KHDRBS2: variants seen among roughly 807,000 people sequenced by gnomAD.
KHDRBS2 encodes the protein KH domain-containing, RNA-binding, signal transduction-associated protein 2.
A neutral mutation model predicts 44.3 loss-of-function variants in KHDRBS2; 26 were observed. The ratio of observed to expected loss-of-function variants is 0.59; its 90% CI spans 0.43 to 0.81. KHDRBS2 has a LOEUF of 0.81. Ranked by LOEUF, KHDRBS2 falls within the 40% of genes least tolerant of loss-of-function variation. KHDRBS2 has a pLI of 0.00. For synonymous variants in KHDRBS2, 194 were observed against 151.1 expected, an observed-to-expected ratio of 1.28 and a Z score of -2.08; for missense variants, 476 against 433.1, an observed-to-expected ratio of 1.10 and a Z score of -0.88.
intron 1 of KHDRBS2, among the ~76,000 whole-genome samples, chr6:62,249,163 T>C (rs1263152822): frequency 1.3e-5 from 2 of 152,112 alleles, no homozygotes; most frequent in Non-Finnish European, 2.9e-5. Context: ...ATAGGTCAAA[T>C]GTGTAAAAAT....
At chr6:62,013,630 T>C (rs560487892) in intron 3 of KHDRBS2, among the ~76,000 whole-genome samples, 29 of 152,290 alleles carry the variant, frequency 1.9e-4, no homozygotes, top group African/African-American at 6.3e-4. Flanking sequence ...TTGAGGATTA[T>C]TATGAACTAA....
chr6:61,775,804 T>C (rs140596313), intron 6 of KHDRBS2, among the ~76,000 whole-genome samples: 4,847 of 152,220 alleles, frequency 0.032, 258 homozygotes, highest in African/African-American at 0.11. Flanking sequence ...TTAAATTTCA[T>C]ATGGAACCAA....
At chr6:62,104,620 A>G (rs1399402555) in intron 2 of KHDRBS2, among the ~76,000 whole-genome samples, 1 of 152,200 alleles carries the variant, frequency 6.6e-6, no homozygotes, top group Non-Finnish European at 1.5e-5. Context: ...AACTCAAAAA[A>G]TCAGAATTTG....
At chr6:61,557,739 G>GT in the KHDRBS2 span, among the ~76,000 whole-genome samples, 17 of 152,266 alleles carry the variant, frequency 1.1e-4, no homozygotes, top group African/African-American at 3.9e-4. Flanking sequence ...ACTGAATTTG[G>GT]TAAAATTCAG....
chr6:61,661,541 G>A, the KHDRBS2 span, among the ~76,000 whole-genome samples: 3 of 151,868 alleles, frequency 2.0e-5, no homozygotes, highest in African/African-American at 7.2e-5. Flanking sequence ...GTATTTAAGG[G>A]CTTTTTATAT....
At chr6:62,277,719 G>A (rs183426361) in intron 1 of KHDRBS2, among the ~76,000 whole-genome samples, 1 of 152,250 alleles carries the variant, frequency 6.6e-6, no homozygotes, top group Admixed American at 6.5e-5. Context: ...CTAGTCTGAT[G>A]GAATTAATCC....
chr6:61,742,670 C>T (rs973102088), intron 6 of KHDRBS2, among the ~76,000 whole-genome samples: 4 of 151,978 alleles, frequency 2.6e-5, no homozygotes, highest in Non-Finnish European at 2.9e-5. Flanking sequence ...CCCCAGTATG[C>T]AGCTTTTGTT....
At chr6:61,860,569 C>A (rs1203259024) in intron 6 of KHDRBS2, among the ~76,000 whole-genome samples, 1 of 152,044 alleles carries the variant, frequency 6.6e-6, no homozygotes, top group African/African-American at 2.4e-5. Flanking sequence ...TTTATGGCTG[C>A]ATAATATTCC....
At chr6:62,087,435 C>T (rs183910720) in intron 2 of KHDRBS2, among the ~76,000 whole-genome samples, 47 of 148,752 alleles carry the variant, frequency 3.2e-4, no homozygotes, top group African/African-American at 1.0e-3. Flanking sequence ...TTAGAAGACA[C>T]AAAAATAAAA....
At chr6:62,232,934 A>C (rs1430104062) in intron 1 of KHDRBS2, among the ~76,000 whole-genome samples, 1 of 152,160 alleles carries the variant, frequency 6.6e-6, no homozygotes, top group Admixed American at 6.5e-5. Flanking sequence ...CTGATACCCA[A>C]CCAAAGAGTA....
At chr6:62,282,963 A>G (rs954394793) in intron 1 of KHDRBS2, among the ~76,000 whole-genome samples, 2 of 152,138 alleles carry the variant, frequency 1.3e-5, no homozygotes, top group African/African-American at 4.8e-5. Context: ...ATCTAGATTC[A>G]CAGTTTAATG....
intron 6 of KHDRBS2, among the ~76,000 whole-genome samples, chr6:61,785,542 T>A (rs1170344392): frequency 6.6e-6 from 1 of 152,110 alleles, no homozygotes; most frequent in Non-Finnish European, 1.5e-5. Context: ...TGTGTTTGTG[T>A]ATATGCATAT....
intron 2 of KHDRBS2, among the ~76,000 whole-genome samples, chr6:62,135,097 G>A (rs1811215726): frequency 6.6e-6 from 1 of 152,186 alleles, no homozygotes; most frequent in Non-Finnish European, 1.5e-5. Context: ...TGGTTTGGCT[G>A]TGTCCCAACC....
At chr6:61,602,022 G>A in the KHDRBS2 span, among the ~76,000 whole-genome samples, 2 of 152,074 alleles carry the variant, frequency 1.3e-5, no homozygotes, top group Non-Finnish European at 2.9e-5. Context: ...CCAGGTCACG[G>A]CTTATTTGGC....
the KHDRBS2 span, among the ~76,000 whole-genome samples, chr6:61,672,481 A>G: frequency 2.0e-5 from 3 of 151,940 alleles, no homozygotes; most frequent in Non-Finnish European, 4.4e-5. Flanking sequence ...AAGTGTTCCT[A>G]TTTCTCCACA....
chr6:61,870,293 G>A (rs781778257), intron 6 of KHDRBS2, among the ~76,000 whole-genome samples: 17 of 152,134 alleles, frequency 1.1e-4, no homozygotes, highest in Non-Finnish European at 2.1e-4. Flanking sequence ...CGAACGGGAC[G>A]GAGCCCACGC....
intron 6 of KHDRBS2, among the ~76,000 whole-genome samples, chr6:61,751,297 A>G (rs1777651957): frequency 6.6e-6 from 1 of 152,188 alleles, no homozygotes; most frequent in Non-Finnish European, 1.5e-5. Context: ...TACATAAGGG[A>G]TAATATCTTC....
At chr6:62,283,105 A>T (rs116648476) in intron 1 of KHDRBS2, among the ~76,000 whole-genome samples, 2 of 152,274 alleles carry the variant, frequency 1.3e-5, no homozygotes, top group African/African-American at 4.8e-5. Context: ...CACCTACCAT[A>T]ACAAGTGGAT....
chr6:61,580,773 G>C, the KHDRBS2 span, among the ~76,000 whole-genome samples: 1 of 151,990 alleles, frequency 6.6e-6, no homozygotes, highest in African/African-American at 2.4e-5. Flanking sequence ...ACCAGGGACC[G>C]ACCGGTCCGG....
Sources: allele counts gnomAD v4.1 joint callset (sites outside exome capture counted in the v4.1 genomes callset), GRCh38; gene constraint gnomAD v4.1.1; transcripts MANE v1.5; gene names NCBI Gene and HGNC (gene_info 2026-07-23, HGNC 2026-07-21).